The following L3MBTL4 variants were observed in gnomAD, a reference collection of about 807,000 sequenced individuals.
L3MBTL4 encodes the protein L3MBTL histone methyl-lysine binding protein 4.
L3MBTL4 carries 70 observed loss-of-function variants against 84.5 expected under a neutral mutation model. The observed-to-expected ratio is 0.83, with a 90% CI of 0.68 to 1.01. The LOEUF (loss-of-function observed/expected upper bound fraction) is 1.01. Ranked by LOEUF, L3MBTL4 falls within the 50% of genes least tolerant of loss-of-function variation. The pLI is 0.00. For synonymous variants in L3MBTL4, 274 were observed against 259.8 expected, an observed-to-expected ratio of 1.05 and a Z score of -0.52; for missense variants, 715 against 754.8, an observed-to-expected ratio of 0.95 and a Z score of 0.62.
chr18:6,121,327 T>C (rs2059518227), intron 14 of L3MBTL4, among the ~76,000 whole-genome samples: 1 of 152,236 alleles, frequency 6.6e-6, no homozygotes, highest in Non-Finnish European at 1.5e-5. Context: ...CAACTAGTTC[T>C]TATAAATAGG....
Position 6,080,865 on chromosome 18 carries a change from G to A in L3MBTL4, c.1444+16C>T. On this transcript the variant is annotated intron_variant, in intron 16 of 18. Transcript: ENST00000317931. ...AAAAAGTATATTCTGTGTTTTGCTAGTGTTTTTGTTTTTACCTCTGAAGAG... is the reference window on the plus strand; with the variant it reads ...AAAAAGTATATTCTGTGTTTTGCTAATGTTTTTGTTTTTACCTCTGAAGAG... 1 of 1,548,228 alleles carries A rather than the reference G, an allele frequency of 6.5e-7. No homozygotes were observed.
chr18:6,152,928 G>A (rs761554615), intron 13 of L3MBTL4, among the ~76,000 whole-genome samples: 1 of 152,072 alleles, frequency 6.6e-6, no homozygotes, highest in Non-Finnish European at 1.5e-5. Flanking sequence ...CAAGACAAGG[G>A]TCCAATTTCA....
intron 16 of L3MBTL4, among the ~76,000 whole-genome samples, chr18:6,065,524 T>G (rs1665820578): frequency 6.6e-6 from 1 of 151,918 alleles, no homozygotes; most frequent in Non-Finnish European, 1.5e-5. Flanking sequence ...GATTAAATCT[T>G]GATGCCTGTT....
At position 6,021,807 on chromosome 18, in the gene L3MBTL4, T is replaced by TCCTGCCTCC. The variant is rs1356264100; in HGVS notation, c.1445-52254_1445-52246dup. ...GTTTATCAGCCTCCCTGCCAGCTCT[T>TCCTGCCTCC]CCTGCCTCCCCTGCCTCTCTCCTCT... On this transcript the variant is annotated intron_variant, in intron 16 of 18. Coordinates refer to ENST00000317931, the MANE Select transcript of L3MBTL4 (RefSeq NM_001330559.2). Among the ~76,000 whole-genome samples the TCCTGCCTCC allele has an allele frequency of 2.6e-5, 4 of 152,260 alleles. No homozygotes were observed. In the East Asian group the frequency reaches 7.7e-4, roughly 29 times the overall value.
intron 16 of L3MBTL4, among the ~76,000 whole-genome samples, chr18:6,043,344 G>C (rs992573163): frequency 1.3e-5 from 2 of 152,054 alleles, no homozygotes; most frequent in Admixed American, 6.6e-5. Context: ...GCTTTCCTCA[G>C]AGCCACTCAC....
At chr18:6,244,120 T>C (rs574295426) in intron 6 of L3MBTL4, among the ~76,000 whole-genome samples, 2 of 152,200 alleles carry the variant, frequency 1.3e-5, no homozygotes, top group Non-Finnish European at 2.9e-5. Flanking sequence ...AAATATATAA[T>C]TCATATGCAT....
chr18:6,177,082 T>C (rs2044256693), intron 12 of L3MBTL4, among the ~76,000 whole-genome samples: 2 of 152,210 alleles, frequency 1.3e-5, no homozygotes, highest in African/African-American at 4.8e-5. Flanking sequence ...GTTATACTAC[T>C]TTTTAAAGAA....
chr18:6,273,547 C>A (rs755867826), intron 4 of L3MBTL4, among the ~76,000 whole-genome samples: 7 of 152,120 alleles, frequency 4.6e-5, no homozygotes, highest in Admixed American at 1.3e-4. Flanking sequence ...ACAGAGGAGG[C>A]GACCAGCACC....
At chr18:6,196,659 A>G (rs1234785778) in intron 12 of L3MBTL4, among the ~76,000 whole-genome samples, 1 of 152,174 alleles carries the variant, frequency 6.6e-6, no homozygotes, top group African/African-American at 2.4e-5. Context: ...TAAAACTCTG[A>G]TCCCCTTCTC....
intron 16 of L3MBTL4, among the ~76,000 whole-genome samples, chr18:6,066,479 C>T (rs980557057): frequency 3.9e-5 from 6 of 152,080 alleles, no homozygotes; most frequent in East Asian, 1.9e-4. Context: ...TAGTGTGTTG[C>T]TGTCTACCTT....
At chr18:6,291,670 G>A (rs1307471355) in intron 4 of L3MBTL4, among the ~76,000 whole-genome samples, 1 of 152,086 alleles carries the variant, frequency 6.6e-6, no homozygotes, top group African/African-American at 2.4e-5. Context: ...AACTGGACCC[G>A]TATCTCTCAC....
At chr18:6,340,764 C>A (rs1419425247) in intron 1 of L3MBTL4, among the ~76,000 whole-genome samples, 3 of 152,082 alleles carry the variant, frequency 2.0e-5, no homozygotes, top group Non-Finnish European at 2.9e-5. Flanking sequence ...GGCCTGTGCC[C>A]CACACATCCC....
intron 13 of L3MBTL4, among the ~76,000 whole-genome samples, chr18:6,163,996 T>C (rs1598966858): frequency 1.3e-5 from 2 of 152,322 alleles, no homozygotes; most frequent in South Asian, 4.1e-4. Context: ...ACTGCACTTT[T>C]CCAACAGGCT....
chr18:6,297,600 T>C (rs1280552888), intron 4 of L3MBTL4, among the ~76,000 whole-genome samples: 2 of 152,230 alleles, frequency 1.3e-5, no homozygotes, highest in Admixed American at 1.3e-4. Context: ...CTCCCTATTT[T>C]ACAAATTAAA....
intron 15 of L3MBTL4, among the ~76,000 whole-genome samples, chr18:6,089,006 A>G (rs2058349632): frequency 6.6e-6 from 1 of 152,212 alleles, no homozygotes; most frequent in African/African-American, 2.4e-5. Flanking sequence ...AGAATATGAC[A>G]GGTATTTTAA....
chr18:6,378,374 T>G (rs2054458953), intron 1 of L3MBTL4, among the ~76,000 whole-genome samples: 1 of 152,244 alleles, frequency 6.6e-6, no homozygotes, highest in Admixed American at 6.5e-5. Flanking sequence ...TTTGGTGTTT[T>G]AGACATGAAG....
At chr18:6,145,612 A>G (rs1345330114) in intron 13 of L3MBTL4, among the ~76,000 whole-genome samples, 3 of 151,986 alleles carry the variant, frequency 2.0e-5, no homozygotes, top group African/African-American at 7.3e-5. Context: ...TAATAGAGAA[A>G]TGACATTAGC....
At chr18:6,394,523 A>G (rs1302312154) in intron 1 of L3MBTL4, among the ~76,000 whole-genome samples, 4 of 152,090 alleles carry the variant, frequency 2.6e-5, no homozygotes, top group Admixed American at 1.3e-4. Flanking sequence ...CCTGTTTGTT[A>G]TGTTTCTTGC....
At chr18:6,011,916 T>G (rs1041615008) in intron 16 of L3MBTL4, among the ~76,000 whole-genome samples, 1 of 152,270 alleles carries the variant, frequency 6.6e-6, no homozygotes, top group African/African-American at 2.4e-5. Flanking sequence ...CATCACTGTT[T>G]ATTGAAACAA....
Sources: gnomAD v4.1 joint callset for allele counts (sites outside exome capture counted in the v4.1 genomes callset) on GRCh38, gnomAD v4.1.1 for gene constraint, MANE v1.5 for transcripts, NCBI Gene and HGNC (gene_info 2026-07-23, HGNC 2026-07-21) for gene names.